The following ZFAND3 variants were observed in gnomAD, a reference collection of about 807,000 sequenced individuals.
The protein encoded by ZFAND3 is zinc finger AN1-type containing 3.
Under a neutral mutation model 29.6 loss-of-function variants are expected in ZFAND3, and 10 were observed. The ratio of observed to expected loss-of-function variants is 0.34; its 90% CI spans 0.21 to 0.57. ZFAND3 has a LOEUF of 0.57. Among genes scored for constraint, ZFAND3 ranks in the 20% least tolerant of loss-of-function variants. The pLI is 0.86. For missense variants in ZFAND3, 230 were observed against 304.5 expected (o/e 0.76, Z 1.82); for synonymous variants, 128 against 112.6 (o/e 1.14, Z -0.87).
chr6:38,131,700 G>T (rs1305101237), intron 5 of ZFAND3, among the ~76,000 whole-genome samples: 2 of 152,208 alleles, frequency 1.3e-5, no homozygotes, highest in African/African-American at 4.8e-5. Flanking sequence ...CAGCAGGCAG[G>T]AGTACATGAT....
chr6:37,844,091 TC>T (rs1351261267), intron 1 of ZFAND3, among the ~76,000 whole-genome samples: 2 of 151,998 alleles, frequency 1.3e-5, no homozygotes, highest in African/African-American at 4.8e-5. Context: ...TTTCTTTTTT[TC>T]TTTTCTTTTT....
At chr6:38,144,216 ATAATATATATATATAT>A (rs1581957362) in intron 5 of ZFAND3, among the ~76,000 whole-genome samples, 1 of 34,112 alleles carries the variant, frequency 2.9e-5, no homozygotes, top group Non-Finnish European at 5.9e-5. Flanking sequence ...TATATAATAT[ATAATATATATATATAT>A]TTTTTTTTTA....
At chr6:38,045,711 A>G (rs760983934) in intron 2 of ZFAND3, among the ~76,000 whole-genome samples, 23 of 152,238 alleles carry the variant, frequency 1.5e-4, no homozygotes, top group South Asian at 6.2e-4. Context: ...AGTAAAAAAT[A>G]TCATATATAG....
At chr6:38,116,813 G>C in intron 5 of ZFAND3, 74 bp downstream of exon 5, 1 of 1,539,416 alleles carries the variant, frequency 6.5e-7, no homozygotes, top group Non-Finnish European at 8.8e-7. Flanking sequence ...AATTTAAGTG[G>C]CTGAAGTCTT....
intron 2 of ZFAND3, among the ~76,000 whole-genome samples, chr6:38,030,032 T>C (rs371624305): frequency 7.0e-6 from 1 of 142,186 alleles, no homozygotes; most frequent in Non-Finnish European, 1.5e-5. Flanking sequence ...TTAGCATTTC[T>C]TGTTATGTAG....
chr6:37,838,492 T>TCC (rs1211133909), intron 1 of ZFAND3, among the ~76,000 whole-genome samples: 1 of 152,222 alleles, frequency 6.6e-6, no homozygotes, highest in Non-Finnish European at 1.5e-5. Flanking sequence ...CAGTCACTTC[T>TCC]CCCCTCAGCT....
At chr6:37,969,770 C>G (rs1762355218) in intron 2 of ZFAND3, among the ~76,000 whole-genome samples, 1 of 151,698 alleles carries the variant, frequency 6.6e-6, no homozygotes. Flanking sequence ...ATTTTTTTTT[C>G]TCTGTTCCCC....
chr6:37,934,967 A>G (rs1265514642), intron 2 of ZFAND3, among the ~76,000 whole-genome samples: 2 of 148,958 alleles, frequency 1.3e-5, no homozygotes, highest in East Asian at 2.0e-4. Flanking sequence ...CATATTCTGT[A>G]TTTTCTTTTC....
At chr6:37,966,341 T>G (rs985574272) in intron 2 of ZFAND3, among the ~76,000 whole-genome samples, 4 of 152,190 alleles carry the variant, frequency 2.6e-5, no homozygotes, top group African/African-American at 9.7e-5. Flanking sequence ...CAGATTTTAT[T>G]TTCAGAGAAA....
intron 5 of ZFAND3, among the ~76,000 whole-genome samples, chr6:38,125,138 A>G (rs910854114): frequency 1.3e-5 from 2 of 151,948 alleles, no homozygotes; most frequent in Admixed American, 6.5e-5. Context: ...TTCTGAGAAA[A>G]TTTTCTTCCT....
chr6:38,149,717 A>G (rs769017464), intron 5 of ZFAND3, among the ~76,000 whole-genome samples: 2 of 152,182 alleles, frequency 1.3e-5, no homozygotes, highest in Non-Finnish European at 2.9e-5. Flanking sequence ...GGCCAGATGT[A>G]GCATTTCCCT....
chr6:38,010,526 C>T (rs1332232373), intron 2 of ZFAND3, among the ~76,000 whole-genome samples: 1 of 151,266 alleles, frequency 6.6e-6, no homozygotes, highest in Non-Finnish European at 1.5e-5. Flanking sequence ...GCTGTTAAGT[C>T]TTTTCATGCC....
intron 4 of ZFAND3, among the ~76,000 whole-genome samples, chr6:38,107,040 T>G (rs1444999657): frequency 6.6e-6 from 1 of 152,132 alleles, no homozygotes; most frequent in Non-Finnish European, 1.5e-5. Context: ...TTTTAGAGAA[T>G]TGAGTAATGC....
At chr6:38,080,242 A>G (rs1233889170) in intron 3 of ZFAND3, among the ~76,000 whole-genome samples, 2 of 151,908 alleles carry the variant, frequency 1.3e-5, no homozygotes, top group African/African-American at 4.8e-5. Context: ...CCACCGTGGC[A>G]CGTGTATACC....
At position 37,928,651 on chromosome 6, in the gene ZFAND3, G is replaced by A. The variant is rs149835830; in HGVS notation, c.72-1308G>A. Among the ~76,000 whole-genome samples, 144 of 152,152 alleles carry A rather than the reference G, an allele frequency of 9.5e-4. 1 individual carries two copies. In the East Asian group the frequency reaches 0.024, roughly 25 times the overall value. ...TTCTTGTGTCTCAGCCTCCCAAGTA[G>A]CTACAGACGTGTGCCACCTCTCCCA... On this transcript the variant is annotated intron_variant, in intron 1 of 5. Coordinates refer to ENST00000287218, the MANE Select transcript of ZFAND3 (RefSeq NM_021943.3).
At position 38,153,457 on chromosome 6, in the gene ZFAND3, A is replaced by G. The variant is rs1766278993; in HGVS notation, c.*1068A>G. On this transcript the variant is annotated 3_prime_UTR_variant, in exon 6 of 6. Transcript: ENST00000287218. ...CCCATAGTCCAAGGACACCCAGTCC[A>G]CATCTACCATATAGCAAGTTTAGTA... 5 of 985,464 alleles carry G rather than the reference A, an allele frequency of 5.1e-6. No homozygotes were observed. Among genetic ancestry groups the G allele is most frequent in the Admixed American group, 6.1e-5 (1 of 16,274 alleles). 61.0% of individuals were successfully genotyped at this position (985,464 alleles called of 1,614,324 possible). A position where few individuals can be genotyped will look rare whatever the true frequency, so the allele number is the denominator to read the frequency against.
chr6:37,986,574 T>G (rs1368527727), intron 2 of ZFAND3, among the ~76,000 whole-genome samples: 1 of 152,218 alleles, frequency 6.6e-6, no homozygotes, highest in South Asian at 2.1e-4. Flanking sequence ...AATAAGCGTT[T>G]AATTAGTGAA....
chr6:37,874,879 A>T (rs1764764377), intron 1 of ZFAND3, among the ~76,000 whole-genome samples: 1 of 152,098 alleles, frequency 6.6e-6, no homozygotes, highest in African/African-American at 2.4e-5. Context: ...CTGGCTCTGT[A>T]ACACCATTCT....
At chr6:37,861,005 A>T (rs1175207386) in intron 1 of ZFAND3, among the ~76,000 whole-genome samples, 4 of 152,160 alleles carry the variant, frequency 2.6e-5, no homozygotes, top group Non-Finnish European at 5.9e-5. Flanking sequence ...CACACTTGTA[A>T]TCCTAGCACT....
Sources: gnomAD v4.1 joint callset for allele counts (sites outside exome capture counted in the v4.1 genomes callset) on GRCh38, gnomAD v4.1.1 for gene constraint, MANE v1.5 for transcripts, NCBI Gene and HGNC (gene_info 2026-07-23, HGNC 2026-07-21) for gene names.